Variants in PGBD5 observed in about 807,000 individuals in gnomAD.
The protein encoded by PGBD5 is piggyBac transposable element derived 5, also known as piggyBac transposable element-derived protein 5.
Under a neutral mutation model 47.9 loss-of-function variants are expected in PGBD5, and 14 were observed. The observed-to-expected ratio is 0.29, with a 90% confidence interval of 0.19 to 0.46. The LOEUF (loss-of-function observed/expected upper bound fraction) is 0.46. Ranked by LOEUF, PGBD5 falls within the 20% of genes least tolerant of loss-of-function variation. PGBD5 has a pLI of 1.00. For missense variants in PGBD5, 635 were observed against 716.0 expected (o/e 0.89, Z 1.29); for synonymous variants, 316 against 306.3 (o/e 1.03, Z -0.33).
At chr1:230,356,214 C>T (rs530837289) in intron 2 of PGBD5, among the ~76,000 whole-genome samples, 14 of 152,284 alleles carry the variant, frequency 9.2e-5, no homozygotes, top group Middle Eastern at 3.4e-3. Context: ...CTAGACCAGC[C>T]GGGCAAATTT....
At chr1:230,329,390 T>C (rs1667178639) in intron 5 of PGBD5, among the ~76,000 whole-genome samples, 1 of 152,224 alleles carries the variant, frequency 6.6e-6, no homozygotes, top group African/African-American at 2.4e-5. Flanking sequence ...TAGTTACATA[T>C]TTCCTAAAAT....
At chr1:230,414,912 C>A (rs539838934) in intron 1 of PGBD5, among the ~76,000 whole-genome samples, 2 of 152,274 alleles carry the variant, frequency 1.3e-5, no homozygotes, top group East Asian at 3.9e-4. Context: ...CAGTGGAATT[C>A]CTGGGAACAC....
At chr1:230,418,307 T>C (rs934343069) in intron 1 of PGBD5, among the ~76,000 whole-genome samples, 7 of 152,182 alleles carry the variant, frequency 4.6e-5, no homozygotes, top group Non-Finnish European at 1.0e-4. Flanking sequence ...ACCAGGTAAA[T>C]AAACTGTAGT....
chr1:230,348,864 C>T (rs887280650), intron 3 of PGBD5, among the ~76,000 whole-genome samples: 3 of 152,206 alleles, frequency 2.0e-5, no homozygotes, highest in Non-Finnish European at 4.4e-5. Context: ...TAATTAATTG[C>T]CTCCTTGGCT....
At chr1:230,404,731 G>A (rs1657257554) in intron 1 of PGBD5, among the ~76,000 whole-genome samples, 1 of 150,578 alleles carries the variant, frequency 6.6e-6, no homozygotes. Flanking sequence ...TCAGGAGTTC[G>A]ATACTAGCCT....
chr1:230,394,880 C>A (rs1321802009), intron 1 of PGBD5, among the ~76,000 whole-genome samples: 2 of 127,612 alleles, frequency 1.6e-5, no homozygotes, highest in Non-Finnish European at 3.4e-5. Flanking sequence ...TCCCCCCTCT[C>A]CTCATGCTCC....
intron 1 of PGBD5, among the ~76,000 whole-genome samples, chr1:230,364,473 C>T (rs534383103): frequency 7.9e-4 from 120 of 152,344 alleles, no homozygotes; most frequent in Non-Finnish European, 1.3e-3. Flanking sequence ...TGCCAGAAAA[C>T]CCCAAGTATA....
intron 3 of PGBD5, among the ~76,000 whole-genome samples, chr1:230,343,941 A>G (rs182706344): frequency 1.5e-3 from 222 of 152,322 alleles, no homozygotes; most frequent in Non-Finnish European, 2.7e-3. Context: ...TTTTGTCTAA[A>G]TCGGGAAAAG....
Position 230,332,898 on chromosome 1 carries a change from A to G in PGBD5, c.1219T>C (p.Tyr407His). 1 of 1,614,206 alleles carries G rather than the reference A, an allele frequency of 6.2e-7. No individual in the cohort carries two copies. The highest frequency in any genetic ancestry group is 1.1e-5 in the South Asian group (1 of 91,086). The change falls in exon 5 of 7, where the codon TAC becomes CAC. Residue 407 changes from tyrosine to histidine, a missense_variant. Coordinates refer to ENST00000391860, the MANE Select transcript of PGBD5 (RefSeq NM_001258311.2). Reference sequence around the variant, plus strand: ...AGGAAGCGGAAGTGTCCTTTGTTGTACCAGCAGATCAAGGACATGTTCCCC... The same window carrying G: ...AGGAAGCGGAAGTGTCCTTTGTTGTGCCAGCAGATCAAGGACATGTTCCCC... ...MKGNMSLICW[Y>H]NKGHFRFLTN...
intron 5 of PGBD5, among the ~76,000 whole-genome samples, chr1:230,332,422 C>T (rs568209399): frequency 3.3e-5 from 5 of 152,176 alleles, no homozygotes; most frequent in Admixed American, 6.5e-5. Context: ...CAGGGAACAG[C>T]GGATGAACCA....
intron 1 of PGBD5, among the ~76,000 whole-genome samples, chr1:230,359,070 TTC>T (rs1409367464): frequency 6.6e-6 from 1 of 151,666 alleles, no homozygotes; most frequent in African/African-American, 2.4e-5. Flanking sequence ...GATTTTTCTT[TTC>T]TTTTTTTTTT....
At chr1:230,344,914 A>G (rs1667454909) in intron 3 of PGBD5, among the ~76,000 whole-genome samples, 1 of 151,824 alleles carries the variant, frequency 6.6e-6, no homozygotes, top group Non-Finnish European at 1.5e-5. Flanking sequence ...ACACCTCCCT[A>G]TGTCTCTCCA....
At chr1:230,336,050 A>G (rs16851515) in intron 4 of PGBD5, 140,262 of 152,106 alleles carry the variant, frequency 0.92, 65,719 homozygotes, top group East Asian at 1. Flanking sequence ...CGCAGTACCC[A>G]CGCTCGGCCT....
intron 1 of PGBD5, among the ~76,000 whole-genome samples, chr1:230,379,213 T>A (rs2102724464): frequency 6.6e-6 from 1 of 152,260 alleles, no homozygotes; most frequent in South Asian, 2.1e-4. Context: ...CAACCTGCTC[T>A]CCTGCTTTGT....
At chr1:230,416,163 T>C (rs11122509) in intron 1 of PGBD5, among the ~76,000 whole-genome samples, 63,358 of 151,960 alleles carry the variant, frequency 0.42, 14,092 homozygotes, top group Admixed American at 0.54. Flanking sequence ...TTGTAGAAGC[T>C]CAAGACTGTA....
chr1:230,368,271 T>G, intron 1 of PGBD5: 1 of 1,200,780 alleles, frequency 8.3e-7, no homozygotes, highest in Non-Finnish European at 1.1e-6. Flanking sequence ...CTTAGAAATG[T>G]GTGTTGCTGA....
At chr1:230,390,124 CG>C (rs1656749308) in intron 1 of PGBD5, among the ~76,000 whole-genome samples, 1 of 152,096 alleles carries the variant, frequency 6.6e-6, no homozygotes, top group African/African-American at 2.4e-5. Context: ...TGTGACATGG[CG>C]GGACACAGCA....
At chr1:230,405,800 C>T (rs1035424542) in intron 1 of PGBD5, among the ~76,000 whole-genome samples, 2 of 152,186 alleles carry the variant, frequency 1.3e-5, no homozygotes, top group African/African-American at 2.4e-5. Context: ...ATAGTTGATG[C>T]CTATTTCAAT....
chr1:230,348,327 T>C (rs1451538340), intron 3 of PGBD5, among the ~76,000 whole-genome samples: 1 of 152,060 alleles, frequency 6.6e-6, no homozygotes, highest in East Asian at 1.9e-4. Context: ...CTAGTTCACG[T>C]GGGAGGTAAA....
Sources: allele counts gnomAD v4.1 joint callset (sites outside exome capture counted in the v4.1 genomes callset), GRCh38; gene constraint gnomAD v4.1.1; transcripts MANE v1.5; gene names NCBI Gene and HGNC (gene_info 2026-07-23, HGNC 2026-07-21).